Variants in FAM240B observed in about 807,000 individuals in gnomAD.
FAM240B encodes the protein family with sequence similarity 240 member B.
intron 1 of FAM240B, chr9:38,705,335 A>G (rs56679132): frequency 0.14 from 21,049 of 152,702 alleles, 1,632 homozygotes; most frequent in East Asian, 0.22. Flanking sequence ...CCTACCTGTA[A>G]TCCCAGCACT....
At chr9:38,718,361 G>A (rs1262235247) in intron 1 of FAM240B, among the ~76,000 whole-genome samples, 2 of 152,146 alleles carry the variant, frequency 1.3e-5, no homozygotes, top group Admixed American at 6.5e-5. Context: ...CTGCTGTCAC[G>A]GAAGTGTTGG....
At chr9:38,703,583 G>A (rs1041543048) in intron 2 of FAM240B, among the ~76,000 whole-genome samples, 1 of 152,214 alleles carries the variant, frequency 6.6e-6, no homozygotes, top group Non-Finnish European at 1.5e-5. Context: ...AAAACCAGGA[G>A]CTTCCCCTCT....
In FAM240B at chr9:38,703,932, C is replaced by T; in HGVS notation, c.68G>A (p.Trp23Ter). The T allele has an allele frequency of 5.0e-6, 2 of 400,506 alleles. No homozygotes were observed. The highest frequency in any genetic ancestry group is 8.8e-6 in the Non-Finnish European group (2 of 226,116). The allele number at this position is 400,506 out of a possible 1,614,324, so 24.8% of individuals were successfully genotyped here. Residue 23 changes from tryptophan (W) to a stop codon, truncating the protein, a stop_gained, in exon 2 of 3, where the codon TGG becomes TAG. Transcript: ENST00000637493. LOFTEE classifies it high-confidence loss of function. ...AGTCTGTTTGCTAATTTCTTTTTCC[C>T]AGAAGCTTTTGAGCTCATGACAAGT... ...CGTCHELKSF[W>*]EKEISKQTFY...
At chr9:38,711,040 A>G (rs1821249539) in intron 1 of FAM240B, among the ~76,000 whole-genome samples, 1 of 152,208 alleles carries the variant, frequency 6.6e-6, no homozygotes. Context: ...GAAAGCAGGC[A>G]TCCAGTTAAA....
intron 1 of FAM240B, among the ~76,000 whole-genome samples, chr9:38,714,463 G>A (rs1351725107): frequency 1.3e-5 from 2 of 152,194 alleles, no homozygotes; most frequent in African/African-American, 2.4e-5. Flanking sequence ...TCTCTAGAAG[G>A]TGGAGTTAAG....
chr9:38,705,648 G>A (rs1446817642), intron 1 of FAM240B: 2 of 150,432 alleles, frequency 1.3e-5, no homozygotes, highest in Non-Finnish European at 3.0e-5. Flanking sequence ...TTATATTTAT[G>A]ATATGGAATA....
chr9:38,712,425 A>G (rs951023292), intron 1 of FAM240B, among the ~76,000 whole-genome samples: 1 of 152,256 alleles, frequency 6.6e-6, no homozygotes, highest in Non-Finnish European at 1.5e-5. Context: ...AATGTGTCTC[A>G]TCATCATTAT....
intron 2 of FAM240B, among the ~76,000 whole-genome samples, chr9:38,698,455 A>C (rs993150360): frequency 9.2e-5 from 14 of 152,248 alleles, no homozygotes; most frequent in African/African-American, 3.4e-4. Context: ...TGGGATTTAT[A>C]ATGGGCATTG....
chr9:38,718,809 A>T (rs1056748747), intron 1 of FAM240B, among the ~76,000 whole-genome samples: 2 of 152,202 alleles, frequency 1.3e-5, no homozygotes, highest in Non-Finnish European at 2.9e-5. Context: ...GGTCAATTAA[A>T]ATTTGTTTCT....
chr9:38,718,752 A>G (rs964603438), intron 1 of FAM240B, among the ~76,000 whole-genome samples: 4 of 62,602 alleles, frequency 6.4e-5, no homozygotes, highest in African/African-American at 3.8e-4. Context: ...GAGATAAGTA[A>G]AAAAAAAAAA....
In FAM240B at chr9:38,716,700, C is replaced by T. The variant is rs1018155874; in HGVS notation, c.-4+3322G>A. Among the ~76,000 whole-genome samples the T allele has an allele frequency of 5.9e-5, 9 of 152,212 alleles. 1 individual carries two copies. Among genetic ancestry groups the T allele is most frequent in the Admixed American group, 4.6e-4 (7 of 15,286 alleles). Reference sequence around the variant, plus strand: ...GCTAACATATTGTTTCTCCCCTCTGCTTCACCAAACTGCCAGTCCAGTGGC... The same window carrying T: ...GCTAACATATTGTTTCTCCCCTCTGTTTCACCAAACTGCCAGTCCAGTGGC... On this transcript the variant is annotated intron_variant, in intron 1 of 2. Coordinates refer to ENST00000637493, the MANE Select transcript of FAM240B (RefSeq NM_001394922.1).
At chr9:38,701,414 A>C (rs1469743131) in intron 2 of FAM240B, among the ~76,000 whole-genome samples, 1 of 152,240 alleles carries the variant, frequency 6.6e-6, no homozygotes, top group Non-Finnish European at 1.5e-5. Context: ...AACTTGGTTC[A>C]TGTGAGTTGT....
intron 1 of FAM240B, among the ~76,000 whole-genome samples, chr9:38,713,968 T>C (rs1365774580): frequency 1.3e-5 from 2 of 152,190 alleles, no homozygotes; most frequent in Non-Finnish European, 2.9e-5. Context: ...TCACAACTTC[T>C]TATGCAGAGC....
intron 1 of FAM240B, among the ~76,000 whole-genome samples, chr9:38,707,602 A>G (rs1821204619): frequency 6.9e-6 from 1 of 144,828 alleles, no homozygotes; most frequent in African/African-American, 2.5e-5. Context: ...CCCCGTCTCT[A>G]CTAAAAAAAA....
chr9:38,710,277 T>A (rs1241520737), intron 1 of FAM240B, among the ~76,000 whole-genome samples: 1 of 152,230 alleles, frequency 6.6e-6, no homozygotes, highest in East Asian at 1.9e-4. Context: ...CCTTGATGTC[T>A]TTTAAATTCC....
chr9:38,706,348 G>A (rs1420468231), intron 1 of FAM240B, among the ~76,000 whole-genome samples: 7 of 152,042 alleles, frequency 4.6e-5, no homozygotes, highest in East Asian at 1.9e-4. Context: ...CACCGCTCCC[G>A]GACACTCCCT....
chr9:38,704,312 T>C (rs533230263), intron 1 of FAM240B, among the ~76,000 whole-genome samples: 1 of 152,304 alleles, frequency 6.6e-6, no homozygotes, highest in Non-Finnish European at 1.5e-5. Flanking sequence ...TTTGAGCTAT[T>C]TGACAATTTT....
At chr9:38,700,618 C>A (rs1587589276) in intron 2 of FAM240B, among the ~76,000 whole-genome samples, 1 of 152,220 alleles carries the variant, frequency 6.6e-6, no homozygotes, top group Admixed American at 6.5e-5. Context: ...CTGCCCCAGG[C>A]AAACCAGGAG....
chr9:38,705,084 C>G (rs1326296278), intron 1 of FAM240B, among the ~76,000 whole-genome samples: 1 of 152,192 alleles, frequency 6.6e-6, no homozygotes, highest in African/African-American at 2.4e-5. Context: ...ATCTTAGGAG[C>G]GCCATCAGGC....
Sources: gnomAD v4.1 joint callset for allele counts (sites outside exome capture counted in the v4.1 genomes callset) on GRCh38, gnomAD v4.1.1 for gene constraint, MANE v1.5 for transcripts, NCBI Gene and HGNC (gene_info 2026-07-23, HGNC 2026-07-21) for gene names.